Variants in CPNE4 observed in about 807,000 individuals in gnomAD.
CPNE4 encodes the protein copine-4.
In CPNE4, 25 loss-of-function variants were observed where a neutral mutation model predicts 67.9. The observed-to-expected ratio is 0.37, with a 90% CI of 0.27 to 0.51. CPNE4 has a LOEUF of 0.51. Among genes scored for constraint, CPNE4 ranks in the 20% least tolerant of loss-of-function variants. The probability of loss-of-function intolerance (pLI) is 0.93; values close to 1 mark genes in which losing one functional copy is unlikely to be tolerated. For synonymous variants in CPNE4, 242 were observed against 244.9 expected (o/e 0.99, Z 0.11); for missense variants, 464 against 690.8 (o/e 0.67, Z 3.68).
chr3:131,702,457 G>A (rs2081324526), intron 3 of CPNE4, among the ~76,000 whole-genome samples: 1 of 152,094 alleles, frequency 6.6e-6, no homozygotes, highest in Non-Finnish European at 1.5e-5. Flanking sequence ...ACAAAACAAG[G>A]GTCATCTGTA....
chr3:131,740,852 CT>C (rs2082339679), intron 2 of CPNE4, among the ~76,000 whole-genome samples: 1 of 152,162 alleles, frequency 6.6e-6, no homozygotes, highest in Non-Finnish European at 1.5e-5. Flanking sequence ...CCATTCTGAT[CT>C]CATATAATAC....
At chr3:131,555,374 G>T in intron 12 of CPNE4, 123 bp downstream of exon 12, 2 of 733,180 alleles carry the variant, frequency 2.7e-6, no homozygotes, top group South Asian at 4.0e-5. Context: ...GACAATTTCT[G>T]ACTCTGTAGG....
rs575802175 is a variant in CPNE4, at chr3:131,588,737, GA to G, written c.682-1156del. On this transcript the variant is annotated intron_variant, in intron 7 of 15. Transcript: ENST00000429747. ...AACACTCATTCAGTTACTACAAACA[GA>G]AAACTGGGCATCATTCCTGATATTC... 2.0e-3 allele frequency among the ~76,000 whole-genome samples: 312 copies of G among 152,236 alleles called. 1 individual carries two copies. Among genetic ancestry groups the G allele is most frequent in the Non-Finnish European group, 2.5e-3 (170 of 68,024 alleles).
At chr3:131,766,479 C>A (rs1220464615) in intron 2 of CPNE4, among the ~76,000 whole-genome samples, 1 of 152,106 alleles carries the variant, frequency 6.6e-6, no homozygotes, top group African/African-American at 2.4e-5. Flanking sequence ...TGCCAATTTT[C>A]AAGGTGTAAA....
chr3:131,646,191 A>G (rs994352197), intron 7 of CPNE4, among the ~76,000 whole-genome samples: 2 of 152,234 alleles, frequency 1.3e-5, no homozygotes, highest in African/African-American at 4.8e-5. Context: ...CATACAATGT[A>G]CCAAGAATTA....
At chr3:131,581,038 T>A (rs2107691080) in intron 9 of CPNE4, among the ~76,000 whole-genome samples, 1 of 152,064 alleles carries the variant, frequency 6.6e-6, no homozygotes, top group Non-Finnish European at 1.5e-5. Context: ...CTGGGCGTGG[T>A]GGCGGGCACC....
intron 6 of CPNE4, among the ~76,000 whole-genome samples, chr3:131,677,922 T>C (rs903162745): frequency 6.6e-6 from 1 of 152,188 alleles, no homozygotes; most frequent in African/African-American, 2.4e-5. Flanking sequence ...TGGGCTCTTT[T>C]TGGGTTTCAT....
chr3:131,645,024 G>A (rs1439322191), intron 7 of CPNE4, among the ~76,000 whole-genome samples: 1 of 152,196 alleles, frequency 6.6e-6, no homozygotes, highest in Non-Finnish European at 1.5e-5. Flanking sequence ...CAACAGAGAT[G>A]CTGGAGGTTC....
intron 2 of CPNE4, among the ~76,000 whole-genome samples, chr3:131,730,211 T>A (rs2082096712): frequency 6.6e-6 from 1 of 152,226 alleles, no homozygotes; most frequent in Non-Finnish European, 1.5e-5. Context: ...AATTGGAATA[T>A]CTTTGAAATT....
At chr3:131,810,245 C>T (rs1393147523) in intron 2 of CPNE4, among the ~76,000 whole-genome samples, 1 of 152,030 alleles carries the variant, frequency 6.6e-6, no homozygotes, top group Non-Finnish European at 1.5e-5. Context: ...AGGAAACAAT[C>T]AGCAAAATGA....
At chr3:132,015,871 A>G (rs1583601014) in intron 1 of CPNE4, among the ~76,000 whole-genome samples, 2 of 152,382 alleles carry the variant, frequency 1.3e-5, no homozygotes, top group Middle Eastern at 6.8e-3. Context: ...AGTCATTTCC[A>G]TAAAAGATTC....
At chr3:131,592,031 A>G (rs993697633) in intron 7 of CPNE4, among the ~76,000 whole-genome samples, 1 of 152,204 alleles carries the variant, frequency 6.6e-6, no homozygotes, top group Non-Finnish European at 1.5e-5. Flanking sequence ...CATAAGCTTG[A>G]CAGATAGTCT....
chr3:131,813,524 T>G (rs1377985562), intron 2 of CPNE4, among the ~76,000 whole-genome samples: 1 of 150,832 alleles, frequency 6.6e-6, no homozygotes, highest in Admixed American at 6.6e-5. Flanking sequence ...CTATATTGTA[T>G]GTATGTATAC....
intron 5 of CPNE4, among the ~76,000 whole-genome samples, chr3:131,687,990 A>G (rs2080937199): frequency 6.6e-6 from 1 of 152,216 alleles, no homozygotes; most frequent in Non-Finnish European, 1.5e-5. Context: ...AATTGGAGAC[A>G]ATGCTGGCAA....
intron 8 of CPNE4, among the ~76,000 whole-genome samples, chr3:131,582,918 GA>G (rs1353931547): frequency 6.6e-6 from 1 of 152,142 alleles, no homozygotes; most frequent in African/African-American, 2.4e-5. Flanking sequence ...CCAACCTAGC[GA>G]ATGTTGAGTA....
chr3:131,880,485 A>C (rs970784604), intron 2 of CPNE4, among the ~76,000 whole-genome samples: 1 of 152,194 alleles, frequency 6.6e-6, no homozygotes, highest in African/African-American at 2.4e-5. Context: ...CAAAATTGAA[A>C]ATGATGACTT....
rs142115246 is a variant in CPNE4, at chr3:131,760,615, G to C, written c.181-36990C>G. ...TCCCAAAGAGAGAGTCACCCTTATG[G>C]TACAGGGTACACACCCATTTGCATT... On this transcript the variant is annotated intron_variant, in intron 2 of 15. Coordinates refer to ENST00000429747, the MANE Select transcript of CPNE4 (RefSeq NM_130808.3). Among the ~76,000 whole-genome samples, 870 of 152,130 alleles carry C rather than the reference G, an allele frequency of 5.7e-3. 10 individuals carry two copies. The highest frequency in any genetic ancestry group is 0.019 in the African/African-American group (800 of 41,504).
At chr3:131,949,787 T>G (rs2071666439) in intron 1 of CPNE4, among the ~76,000 whole-genome samples, 2 of 152,218 alleles carry the variant, frequency 1.3e-5, no homozygotes, top group East Asian at 3.8e-4. Context: ...CTAATTTTCC[T>G]CCATAATGTT....
chr3:131,772,875 G>A (rs779531533), intron 2 of CPNE4, among the ~76,000 whole-genome samples: 27 of 152,102 alleles, frequency 1.8e-4, no homozygotes, highest in Non-Finnish European at 3.4e-4. Context: ...GGGCTGATGT[G>A]CTTGCTGCCT....
Sources: allele counts gnomAD v4.1 joint callset (sites outside exome capture counted in the v4.1 genomes callset), GRCh38; gene constraint gnomAD v4.1.1; transcripts MANE v1.5; gene names NCBI Gene and HGNC (gene_info 2026-07-23, HGNC 2026-07-21).